GRIP1: variants seen among roughly 807,000 people sequenced by gnomAD.
GRIP1 encodes glutamate receptor-interacting protein 1.
In GRIP1, 45 loss-of-function variants were observed where a neutral mutation model predicts 129.9. The ratio of observed to expected loss-of-function variants is 0.35; its 90% CI spans 0.27 to 0.44. The LOEUF is 0.44. Among genes scored for constraint, GRIP1 ranks in the 20% least tolerant of loss-of-function variants. The pLI is 1.00. For missense variants in GRIP1, 1,196 were observed against 1,396.8 expected (o/e 0.86, Z 2.29); for synonymous variants, 530 against 520.8 (o/e 1.02, Z -0.24).
chr12:66,742,089 G>C lies in GRIP1; in HGVS notation c.-420+61964C>G, dbSNP rs181657935. Reference sequence around the variant, plus strand: ...GTAACTAGGTTATTTCCCTGCTCTAGTATTACTTTATTTTCATACCTCTTG... The same window carrying C: ...GTAACTAGGTTATTTCCCTGCTCTACTATTACTTTATTTTCATACCTCTTG... On this transcript the variant is annotated intron_variant, in intron 1 of 4. Transcript: ENST00000538373. 5.3e-4 allele frequency among the ~76,000 whole-genome samples: 80 copies of C among 152,156 alleles called. 1 individual carries two copies. Among genetic ancestry groups the C allele is most frequent in the Non-Finnish European group, 9.7e-4 (66 of 67,978 alleles).
rs986141132 is a variant in GRIP1, at chr12:66,500,164, G to T, written c.724+15455C>A. Among the ~76,000 whole-genome samples, 3 of 152,156 alleles carry T rather than the reference G, an allele frequency of 2.0e-5. No homozygotes were observed. The South Asian group carries it at 6.2e-4, about 32-fold the overall frequency. ...CAAAAATGTGTCAAGTGCTTTAAAGGTATTAACAACTTTGATCATCACAAT... is the reference window on the plus strand; with the variant it reads ...CAAAAATGTGTCAAGTGCTTTAAAGTTATTAACAACTTTGATCATCACAAT... On this transcript the variant is annotated intron_variant, in intron 7 of 24. Coordinates refer to ENST00000359742, the MANE Select transcript of GRIP1 (RefSeq NM_001366722.1).
At chr12:66,532,802 A>C (rs1448408361) in intron 4 of GRIP1, among the ~76,000 whole-genome samples, 2 of 152,092 alleles carry the variant, frequency 1.3e-5, no homozygotes, top group East Asian at 3.9e-4. Flanking sequence ...CACCACCATC[A>C]TCTGTCTATT....
intron 23 of GRIP1, among the ~76,000 whole-genome samples, chr12:66,357,341 T>C (rs2054543044): frequency 1.3e-5 from 2 of 152,238 alleles, no homozygotes; most frequent in Admixed American, 1.3e-4. Context: ...TGCTCTGTAG[T>C]ATATTCCTCT....
intron 1 of GRIP1, among the ~76,000 whole-genome samples, chr12:66,599,376 T>G (rs1342735778): frequency 6.6e-6 from 1 of 152,150 alleles, no homozygotes; most frequent in Non-Finnish European, 1.5e-5. Flanking sequence ...TTGGCAACAT[T>G]GATCATCAGA....
At chr12:66,993,113 CA>C (rs34149423) in intron 1 of GRIP1, among the ~76,000 whole-genome samples, 27 of 144,732 alleles carry the variant, frequency 1.9e-4, no homozygotes, top group East Asian at 1.2e-3. Flanking sequence ...GACCCTGTCT[CA>C]AAAAAAAAAA....
At chr12:66,738,777 A>G (rs1224745584) in intron 1 of GRIP1, among the ~76,000 whole-genome samples, 2 of 152,220 alleles carry the variant, frequency 1.3e-5, no homozygotes, top group Admixed American at 1.3e-4. Flanking sequence ...AAGAGAGTTA[A>G]GTATGGAGAA....
At chr12:66,530,932 T>C (rs2061420954) in intron 4 of GRIP1, among the ~76,000 whole-genome samples, 1 of 151,648 alleles carries the variant, frequency 6.6e-6, no homozygotes, top group Non-Finnish European at 1.5e-5. Context: ...TAGATAAAAC[T>C]ATCAGCAAAA....
At chr12:66,542,045 G>A in intron 2 of GRIP1, 95 bp from the exon 3 acceptor site, 5 of 1,140,550 alleles carry the variant, frequency 4.4e-6, no homozygotes, top group Non-Finnish European at 6.7e-6. Context: ...TTTCTTTTAT[G>A]AGAAAAGATA....
At chr12:66,931,030 G>T (rs78999430) in intron 1 of GRIP1, among the ~76,000 whole-genome samples, 2,141 of 151,366 alleles carry the variant, frequency 0.014, 55 homozygotes, top group African/African-American at 0.049. Flanking sequence ...GCACTCCCCA[G>T]CTAGCTCTAC....
intron 1 of GRIP1, among the ~76,000 whole-genome samples, chr12:66,817,664 C>T (rs890907300): frequency 2.0e-5 from 3 of 152,140 alleles, no homozygotes; most frequent in Admixed American, 6.6e-5. Context: ...CCACCCACCT[C>T]GGCCTCCCAA....
At chr12:66,522,017 C>T (rs976885749) in intron 5 of GRIP1, among the ~76,000 whole-genome samples, 7 of 152,288 alleles carry the variant, frequency 4.6e-5, no homozygotes, top group South Asian at 4.2e-4. Context: ...TCAAACTGGG[C>T]GGAGCCCACC....
intron 1 of GRIP1, among the ~76,000 whole-genome samples, chr12:66,990,928 G>C (rs1294540762): frequency 2.0e-5 from 3 of 149,490 alleles, no homozygotes; most frequent in Non-Finnish European, 3.0e-5. Flanking sequence ...GGTGAGCCGA[G>C]ATAGCGCCAT....
chr12:67,058,489 C>T (rs1456533652), intron 1 of GRIP1, among the ~76,000 whole-genome samples: 1 of 152,194 alleles, frequency 6.6e-6, no homozygotes, highest in East Asian at 1.9e-4. Context: ...ACAAAGTACA[C>T]CTTAACAACA....
chr12:66,814,001 C>G (rs997332415), intron 1 of GRIP1, among the ~76,000 whole-genome samples: 1 of 152,062 alleles, frequency 6.6e-6, no homozygotes, highest in East Asian at 1.9e-4. Flanking sequence ...AAGGATAATA[C>G]TGTGATAGTA....
intron 1 of GRIP1, among the ~76,000 whole-genome samples, chr12:66,691,214 C>T (rs1055237528): frequency 3.3e-5 from 5 of 152,188 alleles, no homozygotes; most frequent in African/African-American, 9.7e-5. Flanking sequence ...TGTCACTTCT[C>T]ATAGTCAAGG....
At chr12:66,731,379 A>G (rs962020462) in intron 1 of GRIP1, among the ~76,000 whole-genome samples, 1 of 152,198 alleles carries the variant, frequency 6.6e-6, no homozygotes, top group African/African-American at 2.4e-5. Context: ...TACATGTCTT[A>G]CATTTAGTTT....
intron 5 of GRIP1, among the ~76,000 whole-genome samples, chr12:66,527,868 A>G (rs1484761902): frequency 1.3e-5 from 2 of 152,010 alleles, no homozygotes; most frequent in Non-Finnish European, 2.9e-5. Flanking sequence ...ATTGAGTATG[A>G]TGATGATTAC....
chr12:66,935,458 G>A (rs2041468181), intron 1 of GRIP1, among the ~76,000 whole-genome samples: 1 of 152,116 alleles, frequency 6.6e-6, no homozygotes, highest in African/African-American at 2.4e-5. Flanking sequence ...GACCAATTAT[G>A]TGATTAAAGG....
chr12:66,971,623 A>T (rs532883549), intron 1 of GRIP1, among the ~76,000 whole-genome samples: 39 of 152,308 alleles, frequency 2.6e-4, no homozygotes, highest in African/African-American at 8.2e-4. Flanking sequence ...AGGGAGACAG[A>T]AAAAGGATAT....
Sources: gnomAD v4.1 joint callset for allele counts (sites outside exome capture counted in the v4.1 genomes callset) on GRCh38, gnomAD v4.1.1 for gene constraint, MANE v1.5 for transcripts, NCBI Gene and HGNC (gene_info 2026-07-23, HGNC 2026-07-21) for gene names.